The following SLC17A1 variants were observed in gnomAD, a reference collection of about 807,000 sequenced individuals.
SLC17A1 encodes the protein sodium-dependent phosphate transport protein 1.
SLC17A1 carries 51 observed loss-of-function variants against 53.5 expected under a neutral mutation model. That is an observed-to-expected ratio of 0.95 (90% CI 0.76 to 1.20). The LOEUF is 1.20. SLC17A1 is among the 50% of genes most tolerant of loss of function. The probability of loss-of-function intolerance (pLI) is 0.00; values close to 1 mark genes in which losing one functional copy is unlikely to be tolerated. For missense variants in SLC17A1, 538 were observed against 568.2 expected (o/e 0.95, Z 0.54); for synonymous variants, 179 against 198.8 (o/e 0.90, Z 0.84).
the SLC17A1 span, among the ~76,000 whole-genome samples, chr6:25,725,970 G>A: frequency 6.6e-6 from 1 of 152,196 alleles, no homozygotes; most frequent in Non-Finnish European, 1.5e-5. Flanking sequence ...GTACATTCCC[G>A]AAATGCGCTT....
At chr6:25,816,100 T>G (rs942258743) in intron 6 of SLC17A1, among the ~76,000 whole-genome samples, 1 of 152,062 alleles carries the variant, frequency 6.6e-6, no homozygotes, top group Admixed American at 6.6e-5. Flanking sequence ...CAATATAATA[T>G]TCAACTTCAG....
intron 12 of SLC17A1, among the ~76,000 whole-genome samples, chr6:25,792,159 C>T (rs1763515385): frequency 6.6e-6 from 1 of 152,160 alleles, no homozygotes; most frequent in Non-Finnish European, 1.5e-5. Flanking sequence ...TTTGGGACTT[C>T]CAGCATTCAC....
chr6:25,790,206 G>C (rs1029985981), intron 12 of SLC17A1, among the ~76,000 whole-genome samples: 6 of 151,930 alleles, frequency 3.9e-5, no homozygotes, highest in Non-Finnish European at 8.8e-5. Flanking sequence ...TACTCCATCC[G>C]GGTATTTGGT....
At chr6:25,770,004 C>A in the SLC17A1 span, 1 of 1,478,530 alleles carries the variant, frequency 6.8e-7, no homozygotes, top group South Asian at 1.2e-5. Flanking sequence ...CCTCTCAAGT[C>A]CTCACAATGA....
chr6:25,766,771 A>G, the SLC17A1 span, among the ~76,000 whole-genome samples: 1 of 152,224 alleles, frequency 6.6e-6, no homozygotes, highest in African/African-American at 2.4e-5. Flanking sequence ...TTTCAAAACT[A>G]TCAAGGTCTT....
In SLC17A1 at chr6:25,813,123, T is replaced by C. The variant is rs1174375314; in HGVS notation, c.707A>G (p.Glu236Gly). The C allele has an allele frequency of 5.0e-6, 8 of 1,614,138 alleles. No homozygotes were observed. The highest frequency in any genetic ancestry group is 6.8e-6 in the Non-Finnish European group (8 of 1,179,990). Reference protein sequence around the residue: ...DHPCISISEKEYITSSLVQQV... With the variant: ...DHPCISISEKGYITSSLVQQV... ...CTGGACCAGGGAGGATGTGATGTAT[T>C]CCTTTTCACTGATGCTTATACATGG... The change falls in exon 7 of 13, where the codon GAA (glutamate) becomes GGA (glycine). Residue 236 changes from glutamate to glycine, a missense_variant. Transcript: ENST00000244527.
Position 25,813,118 on chromosome 6 carries a change from T to G in SLC17A1, c.712A>C (p.Ile238Leu). The G allele has an allele frequency of 6.2e-7, 1 of 1,614,132 alleles. No homozygotes were observed. The highest frequency in any genetic ancestry group is 8.5e-7 in the Non-Finnish European group (1 of 1,179,976). ...ACCTGCTGGACCAGGGAGGATGTGA[T>G]GTATTCCTTTTCACTGATGCTTATA... ...PCISISEKEYITSSLVQQVSS... is the reference protein window; with the variant it reads ...PCISISEKEYLTSSLVQQVSS... Residue 238 changes from isoleucine to leucine, a missense_variant, in exon 7 of 13, where the codon ATC (isoleucine) becomes CTC (leucine). Physicochemically the swap from Ile to Leu is conservative, Grantham distance 5. Coordinates refer to ENST00000244527, the MANE Select transcript of SLC17A1 (RefSeq NM_005074.5).
chr6:25,765,332 A>G, the SLC17A1 span, among the ~76,000 whole-genome samples: 2 of 152,192 alleles, frequency 1.3e-5, no homozygotes, highest in African/African-American at 2.4e-5. Context: ...TCTCACAACA[A>G]TCCTTCAGGA....
chr6:25,807,190 G>A (rs1303534246), intron 10 of SLC17A1, among the ~76,000 whole-genome samples: 1 of 151,998 alleles, frequency 6.6e-6, no homozygotes, highest in Non-Finnish European at 1.5e-5. Flanking sequence ...TCTACCCAAA[G>A]GAAAATAAAT....
the SLC17A1 span, chr6:25,762,027 T>G: frequency 4.5e-5 from 72 of 1,613,308 alleles, no homozygotes; most frequent in Admixed American, 1.0e-4. Context: ...AATTTAAACG[T>G]GGCTCAAGAG....
intron 10 of SLC17A1, among the ~76,000 whole-genome samples, chr6:25,803,167 G>A (rs1485823107): frequency 6.6e-6 from 1 of 151,720 alleles, no homozygotes; most frequent in Admixed American, 6.6e-5. Flanking sequence ...AGGATGGTCT[G>A]ACCTCATGAT....
At chr6:25,726,722 A>T in the SLC17A1 span, 1 of 1,056,060 alleles carries the variant, frequency 9.5e-7, no homozygotes, top group Non-Finnish European at 1.4e-6. Flanking sequence ...TGGATACCGA[A>T]CGCGGCGTTT....
chr6:25,776,180 C>A, the SLC17A1 span, among the ~76,000 whole-genome samples: 1 of 152,024 alleles, frequency 6.6e-6, no homozygotes, highest in South Asian at 2.1e-4. Flanking sequence ...CCAATTTGAT[C>A]CATGAAAAAT....
the SLC17A1 span, chr6:25,769,119 G>C: frequency 6.2e-7 from 1 of 1,614,032 alleles, no homozygotes; most frequent in Non-Finnish European, 8.5e-7. Context: ...CCAGCCCAAT[G>C]CTTCCACAGA....
chr6:25,733,614 G>T, the SLC17A1 span, among the ~76,000 whole-genome samples: 1 of 151,950 alleles, frequency 6.6e-6, no homozygotes, highest in Admixed American at 6.6e-5. Flanking sequence ...ATGTTTATAA[G>T]GTTTATAACA....
intron 11 of SLC17A1, 103 bp from the exon 12 acceptor site, chr6:25,799,022 C>A: frequency 9.0e-7 from 1 of 1,107,562 alleles, no homozygotes. Flanking sequence ...AGTCACGTAA[C>A]AAATATGGAA....
chr6:25,806,125 C>T (rs987069445), intron 10 of SLC17A1, among the ~76,000 whole-genome samples: 35 of 151,952 alleles, frequency 2.3e-4, no homozygotes, highest in African/African-American at 8.0e-4. Context: ...GAAAAATCCT[C>T]CACAAAATTC....
chr6:25,731,874 G>T, the SLC17A1 span: 1 of 1,603,062 alleles, frequency 6.2e-7, no homozygotes. Flanking sequence ...GCGCACGGCC[G>T]TCTGGATCTC....
chr6:25,768,494 C>A, the SLC17A1 span: 1 of 616,070 alleles, frequency 1.6e-6, no homozygotes, highest in Non-Finnish European at 2.1e-6. Context: ...CTAACCATAG[C>A]CTATCTTTCA....
Sources: gnomAD v4.1 joint callset for allele counts (sites outside exome capture counted in the v4.1 genomes callset) on GRCh38, gnomAD v4.1.1 for gene constraint, MANE v1.5 for transcripts, NCBI Gene and HGNC (gene_info 2026-07-23, HGNC 2026-07-21) for gene names.